Variants in CILK1 observed in about 807,000 individuals in gnomAD.
The protein encoded by CILK1 is ciliogenesis associated kinase 1.
A neutral mutation model predicts 79.2 loss-of-function variants in CILK1; 47 were observed. That is an observed-to-expected ratio of 0.59 (90% CI 0.47 to 0.76). The LOEUF (loss-of-function observed/expected upper bound fraction) is 0.76. Among genes scored for constraint, CILK1 ranks in the 30% least tolerant of loss-of-function variants. The pLI is 0.00. For synonymous variants in CILK1, 266 were observed against 275.9 expected (o/e 0.96, Z 0.36); for missense variants, 660 against 769.5 (o/e 0.86, Z 1.68).
intron 5 of CILK1, among the ~76,000 whole-genome samples, chr6:53,022,875 G>A (rs1765333121): frequency 6.6e-6 from 1 of 152,000 alleles, no homozygotes; most frequent in African/African-American, 2.4e-5. Flanking sequence ...TTGCCCTCAT[G>A]GACATAATAG....
At chr6:53,018,861 G>T (rs1765050843) in intron 6 of CILK1, among the ~76,000 whole-genome samples, 1 of 152,148 alleles carries the variant, frequency 6.6e-6, no homozygotes, top group Non-Finnish European at 1.5e-5. Context: ...TAGACTACTT[G>T]GTCATGGCAA....
At chr6:53,019,824 G>GT (rs1340946657) in intron 5 of CILK1, among the ~76,000 whole-genome samples, 6 of 132,974 alleles carry the variant, frequency 4.5e-5, no homozygotes, top group Admixed American at 7.5e-5. Context: ...TGCCTGGCTA[G>GT]TTTTTTTGTT....
At chr6:53,048,422 A>G (rs975580612) in intron 1 of CILK1, among the ~76,000 whole-genome samples, 16 of 152,202 alleles carry the variant, frequency 1.1e-4, no homozygotes, top group African/African-American at 3.9e-4. Context: ...ATTATTTCCC[A>G]TACTGAAAAA....
chr6:53,048,833 T>C (rs1290699352), intron 1 of CILK1, among the ~76,000 whole-genome samples: 2 of 152,304 alleles, frequency 1.3e-5, no homozygotes, highest in East Asian at 1.9e-4. Flanking sequence ...GGAATTCTAC[T>C]TCCTTACTAA....
At chr6:53,035,960 G>A (rs1027399481) in intron 3 of CILK1, among the ~76,000 whole-genome samples, 7 of 152,088 alleles carry the variant, frequency 4.6e-5, no homozygotes, top group African/African-American at 1.7e-4. Context: ...ACAAGCGCGT[G>A]GGTGTGGGGG....
At chr6:53,051,666 A>G (rs958053615) in intron 1 of CILK1, among the ~76,000 whole-genome samples, 8 of 152,148 alleles carry the variant, frequency 5.3e-5, no homozygotes, top group Non-Finnish European at 8.8e-5. Flanking sequence ...CGATTTTTTG[A>G]TTCAATCACA....
At position 53,032,529 on chromosome 6, in the gene CILK1, G is replaced by C; in HGVS notation, c.278+4C>G. The C allele has an allele frequency of 6.2e-7, 1 of 1,600,936 alleles. No homozygotes were observed. Among genetic ancestry groups the C allele is most frequent in the Non-Finnish European group, 8.5e-7 (1 of 1,171,464 alleles). The stretch of plus-strand genomic sequence containing the variant: ...ATAATAAGATAATGATGACCAAACT[G>C]TACCTCTCTTTAATGAGCTGGTAAA... On this transcript the variant is annotated splice_donor_region_variant and intron_variant, in intron 4 of 13. Transcript: ENST00000676107.
intron 8 of CILK1, among the ~76,000 whole-genome samples, chr6:53,015,309 G>T (rs1210951240): frequency 1.3e-5 from 2 of 152,168 alleles, no homozygotes; most frequent in Non-Finnish European, 2.9e-5. Context: ...AGTGATAAGA[G>T]CCCCCAGCGT....
At chr6:53,023,239 T>A (rs952544382) in intron 5 of CILK1, among the ~76,000 whole-genome samples, 1 of 152,140 alleles carries the variant, frequency 6.6e-6, no homozygotes, top group Non-Finnish European at 1.5e-5. Flanking sequence ...GGCTAACCAT[T>A]TTTTATGAAT....
In CILK1 at chr6:53,005,030, A is replaced by G; in HGVS notation, c.*119T>C. The G allele has an allele frequency of 8.7e-7, 1 of 1,147,002 alleles. No homozygotes were observed. The highest frequency in any genetic ancestry group is 1.3e-6 in the Non-Finnish European group (1 of 770,202). 71.1% of individuals were successfully genotyped at this position (1,147,002 alleles called of 1,614,324 possible). Reference sequence around the variant, plus strand: ...TTGACATGTCTTAGTTCAGAAGAATAACTATAAAGTGTTGATTTGCTTTTA... The same window carrying G: ...TTGACATGTCTTAGTTCAGAAGAATGACTATAAAGTGTTGATTTGCTTTTA... On this transcript the variant is annotated 3_prime_UTR_variant, in exon 14 of 14. Coordinates refer to ENST00000676107, the MANE Select transcript of CILK1 (RefSeq NM_014920.5).
chr6:53,012,226 T>C lies in CILK1; in HGVS notation c.1154A>G (p.Lys385Arg). The C allele has an allele frequency of 6.2e-7, 1 of 1,614,170 alleles. No homozygotes were observed. Among genetic ancestry groups the C allele is most frequent in the Non-Finnish European group, 8.5e-7 (1 of 1,180,012 alleles). The change falls in exon 10 of 14, where the codon AAA becomes AGA. Residue 385 changes from lysine (K) to arginine (R), a missense_variant and splice_region_variant. Physicochemically the swap from Lys to Arg is conservative, Grantham distance 26. Transcript: ENST00000676107. The part of the protein sequence containing the change: ...PSLHNKHPQS[K>R]ITAGLEHKNG... Reference sequence around the variant, plus strand: ...TTTGTGCTCCAGGCCAGCTGTGATTTTCTGTGTAAACAAACGGGGTGGGGG... The same window carrying C: ...TTTGTGCTCCAGGCCAGCTGTGATTCTCTGTGTAAACAAACGGGGTGGGGG...
intron 12 of CILK1, among the ~76,000 whole-genome samples, chr6:53,007,073 A>G (rs1160904191): frequency 2.6e-5 from 4 of 152,234 alleles, no homozygotes; most frequent in African/African-American, 9.6e-5. Flanking sequence ...CCTTGCATAT[A>G]GCAGATAATC....
chr6:53,031,393 G>A (rs888734249), intron 4 of CILK1, among the ~76,000 whole-genome samples: 2 of 152,064 alleles, frequency 1.3e-5, no homozygotes, highest in African/African-American at 4.8e-5. Flanking sequence ...AAAATTTTTG[G>A]TGGGGAAAAT....
chr6:53,002,744 G>C lies in CILK1; in HGVS notation c.*2405C>G, dbSNP rs2127394411. 1 of 152,260 alleles carries C rather than the reference G, an allele frequency of 6.6e-6. No homozygotes were observed. Among genetic ancestry groups the C allele is most frequent in the East Asian group, 1.9e-4 (1 of 5,174 alleles). The allele number at this position is 152,260 out of a possible 1,614,324, so 9.4% of individuals were successfully genotyped here. ...TTTGGCTTCCCCAGGGAAGTTGCTTGCTGGTAAACAAACGAAAGCATAAAA... is the reference window on the plus strand; with the variant it reads ...TTTGGCTTCCCCAGGGAAGTTGCTTCCTGGTAAACAAACGAAAGCATAAAA... On this transcript the variant is annotated 3_prime_UTR_variant, in exon 14 of 14. Transcript: ENST00000676107.
At chr6:53,024,208 A>T (rs952910373) in intron 5 of CILK1, among the ~76,000 whole-genome samples, 5 of 152,206 alleles carry the variant, frequency 3.3e-5, no homozygotes, top group Non-Finnish European at 7.3e-5. Context: ...GGCCTTCCTC[A>T]TACAATTCCT....
chr6:53,047,715 A>G (rs1018607047), intron 1 of CILK1, among the ~76,000 whole-genome samples: 28 of 152,102 alleles, frequency 1.8e-4, no homozygotes, highest in African/African-American at 6.8e-4. Context: ...ATGTTAGAAT[A>G]GAGATCAGAG....
chr6:53,061,453 G>C (rs558299377), intron 1 of CILK1, 143 bp downstream of exon 1: 1 of 152,306 alleles, frequency 6.6e-6, no homozygotes, highest in Non-Finnish European at 1.5e-5. Flanking sequence ...ATCGCGGAAA[G>C]AAACTATAAC....
At chr6:53,023,340 C>T (rs150835) in intron 5 of CILK1, among the ~76,000 whole-genome samples, 139,694 of 152,184 alleles carry the variant, frequency 0.92, 64,197 homozygotes, top group East Asian at 1. Flanking sequence ...TCATAATATA[C>T]TCTTGCTGAT....
intron 1 of CILK1, among the ~76,000 whole-genome samples, chr6:53,042,399 T>G (rs1766780180): frequency 6.6e-6 from 1 of 152,212 alleles, no homozygotes; most frequent in East Asian, 1.9e-4. Context: ...TCTATACACT[T>G]GAGCTACAAT....
Sources: gnomAD v4.1 joint callset for allele counts (sites outside exome capture counted in the v4.1 genomes callset) on GRCh38, gnomAD v4.1.1 for gene constraint, MANE v1.5 for transcripts, NCBI Gene and HGNC (gene_info 2026-07-23, HGNC 2026-07-21) for gene names.